The following DMXL2 variants were observed in gnomAD, a reference collection of about 807,000 sequenced individuals.
DMXL2 encodes the protein Dmx like 2.
A neutral mutation model predicts 331.1 loss-of-function variants in DMXL2; 103 were observed. The ratio of observed to expected loss-of-function variants is 0.31; its 90% CI spans 0.27 to 0.37. The LOEUF (loss-of-function observed/expected upper bound fraction) is 0.37, where lower values mean the gene tolerates loss of function less well. Among genes scored for constraint, DMXL2 ranks in the 10% least tolerant of loss-of-function variants. The probability of loss-of-function intolerance (pLI) is 1.00; values close to 1 mark genes in which losing one functional copy is unlikely to be tolerated. For synonymous variants in DMXL2, 1,281 were observed against 1,252.1 expected (o/e 1.02, Z -0.49); for missense variants, 3,171 against 3,642.9 (o/e 0.87, Z 3.33).
chr15:51,553,150 A>G (rs979237278), intron 6 of DMXL2, among the ~76,000 whole-genome samples: 3 of 152,194 alleles, frequency 2.0e-5, no homozygotes, highest in African/African-American at 4.8e-5. Context: ...ACTTGTTAAT[A>G]CTTGATATTT....
At chr15:51,525,613 C>G (rs1255269279) in intron 13 of DMXL2, among the ~76,000 whole-genome samples, 1 of 152,072 alleles carries the variant, frequency 6.6e-6, no homozygotes, top group Non-Finnish European at 1.5e-5. Context: ...AACAAGCTAA[C>G]CAAAGAGCTC....
chr15:51,540,034 A>T (rs79276035), intron 9 of DMXL2, among the ~76,000 whole-genome samples: 1 of 152,234 alleles, frequency 6.6e-6, no homozygotes, highest in African/African-American at 2.4e-5. Context: ...AATAAATCAT[A>T]TAAAATAGGA....
chr15:51,524,069 T>C (rs1165055445), intron 13 of DMXL2, among the ~76,000 whole-genome samples: 14 of 152,184 alleles, frequency 9.2e-5, no homozygotes, highest in Admixed American at 9.2e-4. Context: ...TGTACTAAAA[T>C]AGACCAGGTC....
intron 23 of DMXL2, among the ~76,000 whole-genome samples, chr15:51,482,510 A>T (rs1193123322): frequency 6.6e-6 from 1 of 152,198 alleles, no homozygotes; most frequent in Non-Finnish European, 1.5e-5. Context: ...TCCTAATTCC[A>T]TTCATTGCAA....
intron 1 of DMXL2, among the ~76,000 whole-genome samples, chr15:51,587,648 T>C (rs545163122): frequency 1.3e-5 from 2 of 152,340 alleles, no homozygotes; most frequent in East Asian, 1.9e-4. Context: ...TGTGTCTTTA[T>C]AGCAGCATGA....
chr15:51,555,897 A>G (rs1051526594), intron 6 of DMXL2, among the ~76,000 whole-genome samples: 12 of 152,226 alleles, frequency 7.9e-5, no homozygotes, highest in African/African-American at 2.7e-4. Context: ...GAATAAAACT[A>G]TATCAATCTT....
At chr15:51,605,283 C>G (rs1285992515) in intron 1 of DMXL2, among the ~76,000 whole-genome samples, 1 of 152,130 alleles carries the variant, frequency 6.6e-6, no homozygotes, top group African/African-American at 2.4e-5. Context: ...TCACTGCCAC[C>G]TCTACCTCTT....
At chr15:51,617,328 T>C (rs1484634051) in intron 1 of DMXL2, among the ~76,000 whole-genome samples, 2 of 152,192 alleles carry the variant, frequency 1.3e-5, no homozygotes, top group Non-Finnish European at 2.9e-5. Flanking sequence ...TCCCACCCAA[T>C]ACTGTACTAT....
chr15:51,545,160 A>G (rs1471330603), intron 8 of DMXL2, among the ~76,000 whole-genome samples: 1 of 152,172 alleles, frequency 6.6e-6, no homozygotes, highest in Non-Finnish European at 1.5e-5. Flanking sequence ...AAGGAACAAA[A>G]TAGTCATTTT....
chr15:51,536,964 T>C, intron 11 of DMXL2, 102 bp from the exon 12 acceptor site: 1 of 1,057,526 alleles, frequency 9.5e-7, no homozygotes, highest in Non-Finnish European at 1.3e-6. Context: ...TATCAAAAAA[T>C]GTCATTTTCA....
rs751542239 is a variant in DMXL2, at chr15:51,450,339, C to A, written c.8757G>T (p.Thr2919=). ...GTACCGTGGCACCATGATCGTGGCACGTGAAACCTGAAGAAGAAAAACATC... is the reference window on the plus strand; with the variant it reads ...GTACCGTGGCACCATGATCGTGGCAAGTGAAACCTGAAGAAGAAAAACATC... ...SPGNSLIHGF[T]CHDHGATVLQ... The change falls in exon 43 of 44, where the codon ACG becomes ACT. Residue 2919 remains threonine, a synonymous_variant. Transcript: ENST00000560891. 1.2e-6 allele frequency: 2 copies of A among 1,613,748 alleles called. No individual in the cohort carries two copies. Among genetic ancestry groups the A allele is most frequent in the Admixed American group, 1.7e-5 (1 of 59,990 alleles).
At chr15:51,513,355 T>C (rs1009320057) in intron 15 of DMXL2, among the ~76,000 whole-genome samples, 15 of 152,280 alleles carry the variant, frequency 9.9e-5, no homozygotes, top group Non-Finnish European at 1.9e-4. Flanking sequence ...GGTAAGATAC[T>C]ACAGAAAAGT....
chr15:51,565,507 C>G (rs1374116700), intron 3 of DMXL2, among the ~76,000 whole-genome samples: 1 of 152,192 alleles, frequency 6.6e-6, no homozygotes, highest in Non-Finnish European at 1.5e-5. Flanking sequence ...TTAGCTAACT[C>G]ATCATCTCTG....
intron 41 of DMXL2, among the ~76,000 whole-genome samples, chr15:51,452,057 G>A (rs2039195211): frequency 6.6e-6 from 1 of 152,184 alleles, no homozygotes; most frequent in South Asian, 2.1e-4. Context: ...ACCATGTGAG[G>A]TCAAAATAAA....
chr15:51,489,065 A>G (rs959208590), intron 20 of DMXL2, among the ~76,000 whole-genome samples: 3 of 152,230 alleles, frequency 2.0e-5, no homozygotes, highest in African/African-American at 7.2e-5. Context: ...TAGAACTGAA[A>G]CTAACATAGA....
chr15:51,488,997 G>C (rs925500454), intron 20 of DMXL2, among the ~76,000 whole-genome samples: 9 of 152,162 alleles, frequency 5.9e-5, no homozygotes, highest in Non-Finnish European at 8.8e-5. Flanking sequence ...AGACAGAAAG[G>C]TTAAGTGAAT....
chr15:51,550,049 C>T (rs1327143199), intron 6 of DMXL2, among the ~76,000 whole-genome samples: 1 of 152,100 alleles, frequency 6.6e-6, no homozygotes, highest in Non-Finnish European at 1.5e-5. Context: ...CTAACTGAAT[C>T]CAACAGCATA....
At chr15:51,463,551 T>C (rs919238157) in intron 32 of DMXL2, 55 bp from the exon 33 acceptor site, 7 of 991,224 alleles carry the variant, frequency 7.1e-6, no homozygotes, top group Admixed American at 5.3e-5. Context: ...AATATGTTTA[T>C]ATTTGCAGAT....
At chr15:51,465,518 G>T in intron 31 of DMXL2, 48 bp downstream of exon 31, 1 of 1,341,798 alleles carries the variant, frequency 7.5e-7, no homozygotes, top group South Asian at 1.3e-5. Flanking sequence ...GAAACTTGAC[G>T]GCAATTTATT....
Sources: gnomAD v4.1 joint callset for allele counts (sites outside exome capture counted in the v4.1 genomes callset) on GRCh38, gnomAD v4.1.1 for gene constraint, MANE v1.5 for transcripts, NCBI Gene and HGNC (gene_info 2026-07-23, HGNC 2026-07-21) for gene names.